Variants in ADGRL4 observed in about 807,000 individuals in gnomAD.
The protein encoded by ADGRL4 is EGF, latrophilin and seven transmembrane domain containing 1.
A neutral mutation model predicts 74.8 loss-of-function variants in ADGRL4; 90 were observed. The observed-to-expected ratio is 1.20, with a 90% CI of 1.02 to 1.43. The LOEUF (loss-of-function observed/expected upper bound fraction) is 1.43. Ranked by LOEUF, ADGRL4 falls within the 40% of genes most tolerant of loss-of-function variation. The pLI, the probability that ADGRL4 is intolerant of heterozygous loss-of-function variation, is 0.00. For missense variants in ADGRL4, 881 were observed against 814.3 expected (o/e 1.08, Z -1.00); for synonymous variants, 311 against 279.2 (o/e 1.11, Z -1.14).
At chr1:78,913,010 C>T (rs987296068) in intron 12 of ADGRL4, among the ~76,000 whole-genome samples, 13 of 151,872 alleles carry the variant, frequency 8.6e-5, no homozygotes, top group East Asian at 1.9e-4. Flanking sequence ...AGGAGACATA[C>T]ACATGGCCAA....
intron 2 of ADGRL4, among the ~76,000 whole-genome samples, chr1:78,961,627 G>A (rs1459718886): frequency 6.6e-6 from 1 of 152,108 alleles, no homozygotes; most frequent in East Asian, 1.9e-4. Context: ...CTGTCTGCCA[G>A]GTGTCAGACA....
At chr1:78,933,328 C>T (rs1649285277) in intron 7 of ADGRL4, among the ~76,000 whole-genome samples, 1 of 151,418 alleles carries the variant, frequency 6.6e-6, no homozygotes. Context: ...AAGACAAAAA[C>T]CACATGATCA....
chr1:78,905,647 T>C (rs1019202499), intron 12 of ADGRL4, among the ~76,000 whole-genome samples: 1 of 152,008 alleles, frequency 6.6e-6, no homozygotes, highest in African/African-American at 2.4e-5. Context: ...TGATCTAGAA[T>C]CCGAGGTCCA....
At position 78,921,735 on chromosome 1, in the gene ADGRL4, T is replaced by C; in HGVS notation, c.1135A>G (p.Thr379Ala). ...LCAFWNYSPD[T>A]MNGSWSSEGC... is the part of the protein sequence containing the mutation. ...TCTGAAGACCAGCTGCCATTCATGG[T>C]ATCAGGTGAGTAATTCCAAAATGCA... The change falls in exon 9 of 15, where the codon ACC (threonine) becomes GCC (alanine). Residue 379 changes from threonine to alanine, a missense_variant. Coordinates refer to ENST00000370742, the MANE Select transcript of ADGRL4 (RefSeq NM_022159.4). 1 of 1,602,714 alleles carries C rather than the reference T, an allele frequency of 6.2e-7. No individual in the cohort carries two copies. Among genetic ancestry groups the C allele is most frequent in the Non-Finnish European group, 8.5e-7 (1 of 1,174,492 alleles).
At chr1:78,939,364 G>T in intron 3 of ADGRL4, 106 bp from the exon 4 acceptor site, 1 of 1,120,434 alleles carries the variant, frequency 8.9e-7, no homozygotes, top group Non-Finnish European at 1.1e-6. Context: ...ATATTAAAAA[G>T]ACATTCTCTA....
At chr1:78,922,612 T>C (rs1649022895) in intron 8 of ADGRL4, among the ~76,000 whole-genome samples, 1 of 152,038 alleles carries the variant, frequency 6.6e-6, no homozygotes, top group Non-Finnish European at 1.5e-5. Context: ...GTTGAACTTG[T>C]AGAAATAAAA....
At chr1:78,911,824 G>A (rs1648768762) in intron 12 of ADGRL4, among the ~76,000 whole-genome samples, 1 of 151,746 alleles carries the variant, frequency 6.6e-6, no homozygotes, top group East Asian at 1.9e-4. Context: ...AGTTGTTATT[G>A]CTGTTTTTAC....
chr1:78,967,322 A>T (rs1650077826), intron 2 of ADGRL4, among the ~76,000 whole-genome samples: 1 of 152,180 alleles, frequency 6.6e-6, no homozygotes. Flanking sequence ...ACATGGGGTA[A>T]AATGGAACAT....
chr1:78,954,541 C>T (rs200192143), intron 2 of ADGRL4, among the ~76,000 whole-genome samples: 1 of 152,094 alleles, frequency 6.6e-6, no homozygotes, highest in East Asian at 1.9e-4. Context: ...TAAGACACAG[C>T]ACGTCAGATT....
rs774842079 is a variant in ADGRL4, at chr1:78,939,239, G to A, written c.345C>T (p.Cys115=). The change falls in exon 4 of 15, where the codon TGC becomes TGT. Residue 115 remains cysteine (C), a synonymous_variant. Coordinates refer to ENST00000370742, the MANE Select transcript of ADGRL4 (RefSeq NM_022159.4). The stretch of plus-strand genomic sequence containing the variant: ...CAGCTATACAGACATTATCTAAATG[G>A]CAGTTTGCATTCACATTTTCTGTAA... The part of the protein sequence containing the change: ...TVCIENVNAN[C]HLDNVCIAAN... 8 of 1,561,430 alleles carry A rather than the reference G, an allele frequency of 5.1e-6. No homozygotes were observed. Among genetic ancestry groups the A allele is most frequent in the African/African-American group, 1.4e-5 (1 of 72,714 alleles).
At chr1:78,971,683 C>T (rs12029928) in intron 2 of ADGRL4, among the ~76,000 whole-genome samples, 13,658 of 152,264 alleles carry the variant, frequency 0.09, 831 homozygotes, top group East Asian at 0.35. Context: ...AGTCCTACAA[C>T]ACTATGTGAC....
chr1:78,963,366 C>A (rs1157176703), intron 2 of ADGRL4, among the ~76,000 whole-genome samples: 1 of 152,138 alleles, frequency 6.6e-6, no homozygotes, highest in Non-Finnish European at 1.5e-5. Context: ...GTCTGCTTTG[C>A]CTACCTGATC....
chr1:78,945,164 C>CAAA (rs57419194), intron 3 of ADGRL4, among the ~76,000 whole-genome samples: 12,445 of 116,072 alleles, frequency 0.11, 920 homozygotes, highest in East Asian at 0.24. Flanking sequence ...GACTCTGTCT[C>CAAA]AAAAAAAAAA....
At chr1:78,989,979 ACT>A (rs1380597707) in intron 2 of ADGRL4, among the ~76,000 whole-genome samples, 2 of 151,750 alleles carry the variant, frequency 1.3e-5, no homozygotes, top group East Asian at 3.9e-4. Context: ...CAAGGCCCTG[ACT>A]CTCACAATAA....
intron 12 of ADGRL4, among the ~76,000 whole-genome samples, chr1:78,917,063 A>T (rs1302923298): frequency 6.6e-6 from 1 of 151,858 alleles, no homozygotes; most frequent in Admixed American, 6.6e-5. Flanking sequence ...TCTGTTCATG[A>T]GAAATAGTGG....
intron 2 of ADGRL4, among the ~76,000 whole-genome samples, chr1:78,983,873 A>G (rs915229938): frequency 6.6e-6 from 1 of 151,852 alleles, no homozygotes. Context: ...TAACAACTAG[A>G]AAATAATGTA....
chr1:78,931,203 G>C (rs537553030), intron 7 of ADGRL4, among the ~76,000 whole-genome samples: 1 of 151,390 alleles, frequency 6.6e-6, no homozygotes, highest in East Asian at 1.9e-4. Flanking sequence ...CACCTATAAA[G>C]GGAAGCTCAT....
chr1:78,926,118 T>G (rs1005246684), intron 8 of ADGRL4, among the ~76,000 whole-genome samples: 1 of 152,096 alleles, frequency 6.6e-6, no homozygotes, highest in South Asian at 2.1e-4. Flanking sequence ...TATACTCTTT[T>G]TGTTTAGAAA....
At chr1:78,930,391 T>C (rs1649213345) in intron 7 of ADGRL4, among the ~76,000 whole-genome samples, 1 of 150,454 alleles carries the variant, frequency 6.6e-6, no homozygotes, top group African/African-American at 2.5e-5. Context: ...AACAGATAAA[T>C]GATTAAATTG....
Sources: gnomAD v4.1 joint callset for allele counts (sites outside exome capture counted in the v4.1 genomes callset) on GRCh38, gnomAD v4.1.1 for gene constraint, MANE v1.5 for transcripts, NCBI Gene and HGNC (gene_info 2026-07-23, HGNC 2026-07-21) for gene names.